TBC1D22A: variants seen among roughly 807,000 people sequenced by gnomAD.
TBC1D22A encodes the protein putative GTPase activator.
Under a neutral mutation model 60.2 loss-of-function variants are expected in TBC1D22A, and 38 were observed. That is an observed-to-expected ratio of 0.63 (90% CI 0.49 to 0.83). The LOEUF (loss-of-function observed/expected upper bound fraction) is 0.83. TBC1D22A is among the 40% of genes least tolerant of loss of function. The pLI is 0.00. For missense variants in TBC1D22A, 628 were observed against 701.0 expected (o/e 0.90, Z 1.18); for synonymous variants, 302 against 281.7 (o/e 1.07, Z -0.72).
chr22:47,121,684 T>C (rs2066275313), intron 12 of TBC1D22A, among the ~76,000 whole-genome samples: 1 of 152,326 alleles, frequency 6.6e-6, no homozygotes, highest in Middle Eastern at 3.4e-3. Flanking sequence ...AGTAGAGTTA[T>C]GGATATTTTA....
intron 4 of TBC1D22A, among the ~76,000 whole-genome samples, chr22:46,865,271 C>T (rs532747941): frequency 2.6e-5 from 4 of 152,306 alleles, no homozygotes; most frequent in African/African-American, 4.8e-5. Context: ...CTTGCAGTGA[C>T]GGGCAGATGT....
chr22:47,050,797 G>A lies in TBC1D22A; in HGVS notation c.1329+13599G>A, dbSNP rs189668282. On this transcript the variant is annotated intron_variant, in intron 11 of 12. Transcript: ENST00000337137. ...GGTGAAGTGCGCATCGGTGGAGGTGGGGGGATGGTGAGGACAGCCTGGGAG... is the reference window on the plus strand; with the variant it reads ...GGTGAAGTGCGCATCGGTGGAGGTGAGGGGATGGTGAGGACAGCCTGGGAG... Among the ~76,000 whole-genome samples the A allele has an allele frequency of 6.8e-3, 1,034 of 152,272 alleles. 1 individual carries two copies. Among genetic ancestry groups the A allele is most frequent in the South Asian group, 0.019 (92 of 4,828 alleles).
chr22:47,145,525 CATG>C (rs1372736489), intron 12 of TBC1D22A, among the ~76,000 whole-genome samples: 4 of 152,212 alleles, frequency 2.6e-5, no homozygotes, highest in African/African-American at 7.2e-5. Context: ...GCCTTTAAGA[CATG>C]ATATTACAAA....
At chr22:47,101,960 A>G (rs536761319) in intron 11 of TBC1D22A, among the ~76,000 whole-genome samples, 64 of 152,256 alleles carry the variant, frequency 4.2e-4, no homozygotes, top group African/African-American at 1.5e-3. Context: ...CCACACAATG[A>G]TGGTATTTCC....
At chr22:46,941,807 A>G (rs2072157965) in intron 8 of TBC1D22A, among the ~76,000 whole-genome samples, 1 of 108,660 alleles carries the variant, frequency 9.2e-6, no homozygotes, top group Non-Finnish European at 2.0e-5. Context: ...TAGAATATAT[A>G]TAGAATATAT....
chr22:47,046,170 A>C (rs1028521937), intron 11 of TBC1D22A, among the ~76,000 whole-genome samples: 2 of 152,048 alleles, frequency 1.3e-5, no homozygotes, highest in African/African-American at 2.4e-5. Context: ...CCCCACAAGG[A>C]GGGTGTCCAA....
chr22:46,807,092 A>G (rs1272052424), intron 4 of TBC1D22A, among the ~76,000 whole-genome samples: 1 of 152,192 alleles, frequency 6.6e-6, no homozygotes, highest in Non-Finnish European at 1.5e-5. Context: ...TCCTGTAGAC[A>G]CTTTACAGGC....
In TBC1D22A at chr22:46,984,340, C is replaced by T. The variant is rs377276642; in HGVS notation, c.1125+9941C>T. Among the ~76,000 whole-genome samples the T allele has an allele frequency of 2.0e-4, 24 of 118,826 alleles. No homozygotes were observed. The East Asian group carries it at 5.0e-3, about 25-fold the overall frequency. The allele number at this position is 118,826 out of a possible 152,430, so 78.0% of individuals were successfully genotyped here. ...CGAGATCGAGCCACTGCCCTCCAGCCGGGGCGACAGAACCAGACTCCATCT... is the reference window on the plus strand; with the variant it reads ...CGAGATCGAGCCACTGCCCTCCAGCTGGGGCGACAGAACCAGACTCCATCT... On this transcript the variant is annotated intron_variant, in intron 9 of 12. Transcript: ENST00000337137.
intron 8 of TBC1D22A, among the ~76,000 whole-genome samples, chr22:46,965,760 G>C (rs547922516): frequency 1.4e-4 from 22 of 152,328 alleles, no homozygotes; most frequent in Admixed American, 1.2e-3. Flanking sequence ...GGCCTGGTGT[G>C]GGGTTTCGTG....
At chr22:46,782,267 A>G (rs973145066) in intron 1 of TBC1D22A, among the ~76,000 whole-genome samples, 2 of 152,254 alleles carry the variant, frequency 1.3e-5, no homozygotes, top group Non-Finnish European at 2.9e-5. Flanking sequence ...GTTGGCCAGG[A>G]TGGTCTCCAT....
intron 12 of TBC1D22A, among the ~76,000 whole-genome samples, chr22:47,172,900 C>A (rs2068541705): frequency 6.6e-6 from 1 of 152,216 alleles, no homozygotes; most frequent in Admixed American, 6.5e-5. Flanking sequence ...TGGGCCTGAG[C>A]CGGCTCCGTT....
At chr22:47,111,994 A>G (rs2065865860) in intron 12 of TBC1D22A, among the ~76,000 whole-genome samples, 2 of 152,226 alleles carry the variant, frequency 1.3e-5, no homozygotes, top group Non-Finnish European at 1.5e-5. Flanking sequence ...GAAATCACAC[A>G]GCCTGGGGTG....
At position 47,009,559 on chromosome 22, in the gene TBC1D22A, C is replaced by T. The variant is rs1045257174; in HGVS notation, c.1201+11850C>T. Among the ~76,000 whole-genome samples the T allele has an allele frequency of 2.1e-4, 31 of 151,174 alleles. 1 individual carries two copies. The highest frequency in any genetic ancestry group is 4.1e-4 in the African/African-American group (17 of 41,098). The stretch of plus-strand genomic sequence containing the variant: ...ATCATTGCCATCATCACCATCATTA[C>T]GTCATCACCAGCATCATCATCACCA... On this transcript the variant is annotated intron_variant, in intron 10 of 12. Transcript: ENST00000337137. This position sits in a 1 kb window ranked among gnomAD's most constrained non-coding sequence, Gnocchi z 5.8.
chr22:46,992,283 C>T (rs570485673), intron 9 of TBC1D22A, among the ~76,000 whole-genome samples: 2 of 152,386 alleles, frequency 1.3e-5, no homozygotes, highest in South Asian at 2.1e-4. Flanking sequence ...CTGGATCCCT[C>T]CAGTGCGGGG....
In TBC1D22A at chr22:47,162,404, T is replaced by C. The variant is rs552018217; in HGVS notation, c.1426-11094T>C. Among the ~76,000 whole-genome samples the C allele has an allele frequency of 1.8e-3, 280 of 152,176 alleles. 3 individuals carry two copies. Among genetic ancestry groups the C allele is most frequent in the African/African-American group, 6.3e-3 (261 of 41,528 alleles). ...GACTGAGGCCCCCGTGGAGTTGCCA[T>C]GGCGTGTGGTGTGAGGGGAGAGACG... On this transcript the variant is annotated intron_variant, in intron 12 of 12. Transcript: ENST00000337137.
At chr22:47,005,873 A>G (rs1602955582) in intron 10 of TBC1D22A, among the ~76,000 whole-genome samples, 1 of 148,778 alleles carries the variant, frequency 6.7e-6, no homozygotes, top group Non-Finnish European at 1.5e-5. Flanking sequence ...ACACCCCCAT[A>G]TACACACACA....
intron 12 of TBC1D22A, among the ~76,000 whole-genome samples, chr22:47,123,117 A>T (rs2066330268): frequency 6.6e-6 from 1 of 152,142 alleles, no homozygotes; most frequent in African/African-American, 2.4e-5. Flanking sequence ...TGTTCCCGTG[A>T]GGTTCCGTCT....
intron 3 of TBC1D22A, among the ~76,000 whole-genome samples, chr22:46,794,756 G>T (rs1379443348): frequency 3.3e-5 from 5 of 151,954 alleles, no homozygotes; most frequent in African/African-American, 1.2e-4. Context: ...TGGGGAGCAG[G>T]TGTCATCTGA....
intron 11 of TBC1D22A, among the ~76,000 whole-genome samples, chr22:47,040,698 C>T (rs964065392): frequency 3.9e-5 from 6 of 151,978 alleles, no homozygotes; most frequent in African/African-American, 1.2e-4. Context: ...TTACCCCGTG[C>T]GGGACGTGAC....
Sources: gnomAD v4.1 joint callset for allele counts (sites outside exome capture counted in the v4.1 genomes callset) on GRCh38, gnomAD v4.1.1 for gene constraint, Gnocchi (gnomAD v3.1) non-coding constraint, MANE v1.5 for transcripts, NCBI Gene and HGNC (gene_info 2026-07-23, HGNC 2026-07-21) for gene names.